PLCB1: variants seen among roughly 807,000 people sequenced by gnomAD.
PLCB1 encodes the protein 1-phosphatidylinositol 4,5-bisphosphate phosphodiesterase beta-1.
PLCB1 carries 46 observed loss-of-function variants against 161.8 expected under a neutral mutation model. The ratio of observed to expected loss-of-function variants is 0.28; its 90% CI spans 0.22 to 0.36. PLCB1 has a LOEUF of 0.36. PLCB1 is among the 10% of genes least tolerant of loss of function. The pLI is 1.00. For synonymous variants in PLCB1, 517 were observed against 503.7 expected (o/e 1.03, Z -0.35); for missense variants, 1,016 against 1,472.5 (o/e 0.69, Z 5.07).
chr20:8,730,921 T>C (rs6086569), intron 18 of PLCB1, among the ~76,000 whole-genome samples: 143,952 of 151,706 alleles, frequency 0.95, 68,443 homozygotes, highest in East Asian at 0.98. Flanking sequence ...TGATCATCTT[T>C]CTAAACTCTT....
At chr20:8,156,537 T>A (rs969969383) in intron 2 of PLCB1, among the ~76,000 whole-genome samples, 3 of 152,202 alleles carry the variant, frequency 2.0e-5, no homozygotes, top group African/African-American at 7.2e-5. Flanking sequence ...GATTCCTTGG[T>A]TAAGAGAGAT....
chr20:8,728,113 A>T (rs146047399), intron 17 of PLCB1, among the ~76,000 whole-genome samples: 5 of 152,240 alleles, frequency 3.3e-5, no homozygotes, highest in African/African-American at 4.8e-5. Flanking sequence ...GAAAATTATC[A>T]TCGTTAGTAT....
At chr20:8,603,445 G>T (rs1242899376) in intron 3 of PLCB1, among the ~76,000 whole-genome samples, 2 of 152,164 alleles carry the variant, frequency 1.3e-5, no homozygotes, top group African/African-American at 2.4e-5. Context: ...GTGGGTTTTA[G>T]CATCACCAGC....
intron 31 of PLCB1, among the ~76,000 whole-genome samples, chr20:8,845,650 G>A (rs1018950203): frequency 1.3e-5 from 2 of 151,844 alleles, no homozygotes. Context: ...TATATCAAGG[G>A]TTTTTTTGGT....
At chr20:8,828,527 A>T (rs961041328) in intron 31 of PLCB1, among the ~76,000 whole-genome samples, 1 of 152,180 alleles carries the variant, frequency 6.6e-6, no homozygotes, top group Non-Finnish European at 1.5e-5. Context: ...TCTCTTGAGG[A>T]TGAGCTCACT....
rs368877863 is a variant in PLCB1 at position 8,784,121 on chromosome 20, T to C, written c.3112-4328T>C. 1.4e-3 allele frequency among the ~76,000 whole-genome samples: 218 copies of C among 152,316 alleles called. 8 individuals are homozygous for C. In the South Asian group the frequency reaches 0.043, roughly 30 times the overall value. On this transcript the variant is annotated intron_variant, in intron 27 of 31. Transcript: ENST00000338037. ...ATATAAAATCCCATTGCCAATTTAATGTGAGTTGGGCGGTAGTGGCATACT... is the reference window on the plus strand; with the variant it reads ...ATATAAAATCCCATTGCCAATTTAACGTGAGTTGGGCGGTAGTGGCATACT...
At chr20:8,151,832 A>G (rs1434035846) in intron 2 of PLCB1, among the ~76,000 whole-genome samples, 1 of 152,182 alleles carries the variant, frequency 6.6e-6, no homozygotes, top group Non-Finnish European at 1.5e-5. Context: ...TCAAGCTTCT[A>G]TAAAAGCAAC....
chr20:8,480,485 C>T (rs1204576055), intron 3 of PLCB1, among the ~76,000 whole-genome samples: 7 of 152,068 alleles, frequency 4.6e-5, no homozygotes, highest in African/African-American at 1.7e-4. Context: ...TAAGTTCTCT[C>T]CAATCTGCCT....
At chr20:8,828,127 T>C (rs1388753682) in intron 31 of PLCB1, among the ~76,000 whole-genome samples, 1 of 152,208 alleles carries the variant, frequency 6.6e-6, no homozygotes, top group Non-Finnish European at 1.5e-5. Flanking sequence ...CCAGATTTGA[T>C]GGCTGTGGGA....
intron 2 of PLCB1, among the ~76,000 whole-genome samples, chr20:8,283,487 CT>C (rs1332968325): frequency 6.6e-6 from 1 of 150,442 alleles, no homozygotes; most frequent in Non-Finnish European, 1.5e-5. Flanking sequence ...AATAAATGCT[CT>C]AACATTCTAA....
intron 3 of PLCB1, among the ~76,000 whole-genome samples, chr20:8,440,899 A>G (rs1201211943): frequency 2.0e-5 from 3 of 152,028 alleles, no homozygotes; most frequent in Non-Finnish European, 4.4e-5. Flanking sequence ...ATGGATCGAA[A>G]CATCACTATG....
intron 3 of PLCB1, among the ~76,000 whole-genome samples, chr20:8,485,463 A>T (rs1467936866): frequency 6.6e-6 from 1 of 152,242 alleles, no homozygotes; most frequent in Non-Finnish European, 1.5e-5. Context: ...TATTCTTAGG[A>T]CAGAAGAAGG....
At chr20:8,700,728 G>A (rs1362863947) in intron 11 of PLCB1, among the ~76,000 whole-genome samples, 1 of 152,078 alleles carries the variant, frequency 6.6e-6, no homozygotes, top group Non-Finnish European at 1.5e-5. Flanking sequence ...CACATAGCAG[G>A]ATAGACAGTT....
intron 27 of PLCB1, among the ~76,000 whole-genome samples, chr20:8,782,809 T>G (rs1001261875): frequency 6.6e-5 from 10 of 152,228 alleles, no homozygotes; most frequent in Non-Finnish European, 1.3e-4. Context: ...TAGACATTAG[T>G]GGAAGGGAAA....
intron 3 of PLCB1, among the ~76,000 whole-genome samples, chr20:8,536,385 T>C (rs1038931987): frequency 2.0e-5 from 3 of 152,190 alleles, no homozygotes; most frequent in Non-Finnish European, 4.4e-5. Context: ...CTCTCTCCTC[T>C]CGTACTTCTC....
In PLCB1 at chr20:8,475,169, T is replaced by C. The variant is rs187064627; in HGVS notation, c.246+103719T>C. ...ATCATTAAGATAAGGGAGACATTTATGTTATGTGGTACCCAAGATATGCCA... is the reference window on the plus strand; with the variant it reads ...ATCATTAAGATAAGGGAGACATTTACGTTATGTGGTACCCAAGATATGCCA... On this transcript the variant is annotated intron_variant, in intron 3 of 31. Transcript: ENST00000338037. Among the ~76,000 whole-genome samples the C allele has an allele frequency of 2.6e-5, 4 of 152,330 alleles. No homozygotes were observed. The East Asian group carries it at 7.7e-4, about 29-fold the overall frequency.
chr20:8,710,600 C>T (rs1345710446), intron 12 of PLCB1, among the ~76,000 whole-genome samples: 1 of 148,208 alleles, frequency 6.7e-6, no homozygotes, highest in Non-Finnish European at 1.5e-5. Flanking sequence ...CTGCAACCTC[C>T]ATCTCCCGAG....
intron 2 of PLCB1, among the ~76,000 whole-genome samples, chr20:8,266,510 A>T (rs1411159178): frequency 6.6e-6 from 1 of 152,230 alleles, no homozygotes; most frequent in Non-Finnish European, 1.5e-5. Flanking sequence ...TGCTTAAAGA[A>T]AGTCTATGGC....
intron 4 of PLCB1, among the ~76,000 whole-genome samples, chr20:8,633,933 A>G (rs1013005041): frequency 2.6e-5 from 4 of 152,186 alleles, no homozygotes; most frequent in Non-Finnish European, 4.4e-5. Context: ...GAGATTTATG[A>G]GATTCTTCTA....
Sources: gnomAD v4.1 joint callset for allele counts (sites outside exome capture counted in the v4.1 genomes callset) on GRCh38, gnomAD v4.1.1 for gene constraint, MANE v1.5 for transcripts, NCBI Gene and HGNC (gene_info 2026-07-23, HGNC 2026-07-21) for gene names.